Variants in CLHC1 observed in about 807,000 individuals in gnomAD.
The protein encoded by CLHC1 is clathrin heavy chain linker domain-containing protein 1.
CLHC1 carries 72 observed loss-of-function variants against 69.5 expected under a neutral mutation model. The observed-to-expected ratio is 1.04, with a 90% CI of 0.86 to 1.26. The LOEUF is 1.26. Ranked by LOEUF, CLHC1 falls within the 50% of genes most tolerant of loss-of-function variation. The pLI, the probability that CLHC1 is intolerant of heterozygous loss-of-function variation, is 0.00. For missense variants in CLHC1, 790 were observed against 679.3 expected (o/e 1.16, Z -1.81); for synonymous variants, 223 against 224.3 (o/e 0.99, Z 0.05).
intron 1 of CLHC1, among the ~76,000 whole-genome samples, chr2:55,228,868 G>C (rs996026745): frequency 2.0e-5 from 3 of 152,118 alleles, no homozygotes; most frequent in Non-Finnish European, 4.4e-5. Context: ...AAAAAAAATA[G>C]TCCAGGCACA....
chr2:55,181,845 TTAACAATC>T (rs1669970236), intron 9 of CLHC1, 101 bp from the exon 10 acceptor site: 3 of 855,736 alleles, frequency 3.5e-6, no homozygotes, highest in Middle Eastern at 3.1e-4. Context: ...TTCTAAAACT[TTAACAATC>T]TAAAATTACA....
At chr2:55,200,323 T>G (rs920589783) in intron 9 of CLHC1, among the ~76,000 whole-genome samples, 1 of 138,606 alleles carries the variant, frequency 7.2e-6, no homozygotes, top group Non-Finnish European at 1.5e-5. Context: ...AAGACACATA[T>G]AGACTGAAAA....
intron 1 of CLHC1, among the ~76,000 whole-genome samples, chr2:55,230,464 T>C (rs1675188982): frequency 2.6e-5 from 4 of 152,208 alleles, no homozygotes; most frequent in African/African-American, 9.6e-5. Context: ...AGTTGTGACA[T>C]ATCTGTGACA....
At chr2:55,231,668 G>C (rs1164921511) in intron 1 of CLHC1, among the ~76,000 whole-genome samples, 2 of 152,198 alleles carry the variant, frequency 1.3e-5, no homozygotes, top group African/African-American at 4.8e-5. Context: ...GGTTTGTGGA[G>C]TGGAGAAAGG....
At chr2:55,188,735 A>G (rs1299797350) in intron 9 of CLHC1, among the ~76,000 whole-genome samples, 1 of 152,198 alleles carries the variant, frequency 6.6e-6, no homozygotes, top group Non-Finnish European at 1.5e-5. Flanking sequence ...GTACATTTCA[A>G]TCTAGAAGAT....
At chr2:55,228,472 T>G (rs570540872) in intron 1 of CLHC1, among the ~76,000 whole-genome samples, 5 of 151,334 alleles carry the variant, frequency 3.3e-5, no homozygotes, top group African/African-American at 4.8e-5. Context: ...AAGATTACCA[T>G]TCATTCATTC....
intron 9 of CLHC1, among the ~76,000 whole-genome samples, chr2:55,189,713 C>T (rs1369175607): frequency 6.6e-6 from 1 of 152,120 alleles, no homozygotes; most frequent in African/African-American, 2.4e-5. Flanking sequence ...ACAGCGTTCC[C>T]CACAGGTCAT....
At position 55,222,284 on chromosome 2, in the gene CLHC1, T is replaced by C; in HGVS notation, c.128A>G (p.Glu43Gly). 3.1e-6 allele frequency: 5 copies of C among 1,613,698 alleles called. No homozygotes were observed. Among genetic ancestry groups the C allele is most frequent in the Non-Finnish European group, 4.2e-6 (5 of 1,179,740 alleles). The change falls in exon 3 of 13, where the codon GAA (glutamate) becomes GGA (glycine). Residue 43 changes from glutamate to glycine, a missense_variant. Glu to Gly is a moderately conservative substitution (Grantham distance 98). Coordinates refer to ENST00000401408, the MANE Select transcript of CLHC1 (RefSeq NM_152385.4). ...TETERLGCSEEGPADEYYIIY... is the reference protein window; with the variant it reads ...TETERLGCSEGGPADEYYIIY... ...GATGTAATATTCATCAGCAGGTCCT[T>C]CCTCACTACAGCCCAGTCTTTCAGT... is the stretch of plus-strand genomic sequence containing the variant.
chr2:55,194,287 A>G (rs1671193818), intron 9 of CLHC1, among the ~76,000 whole-genome samples: 1 of 152,196 alleles, frequency 6.6e-6, no homozygotes, highest in Admixed American at 6.5e-5. Context: ...ATACTAATAG[A>G]AAAGAACAAA....
rs755440642 is a variant in CLHC1 at position 55,175,757 on chromosome 2, G to C, written c.*33C>G. The C allele has an allele frequency of 3.2e-6, 5 of 1,541,852 alleles. No individual in the cohort carries two copies. The South Asian group carries it at 5.7e-5, about 17-fold the overall frequency. ...TCCCAACCAGCATACATAAGGTGTT[G>C]TACAAGCTCCCTCAGCTGGTTAAGA... On this transcript the variant is annotated 3_prime_UTR_variant, in exon 13 of 13. Coordinates refer to ENST00000401408, the MANE Select transcript of CLHC1 (RefSeq NM_152385.4).
chr2:55,206,494 G>A, intron 8 of CLHC1, 118 bp from the exon 9 acceptor site: 2 of 660,356 alleles, frequency 3.0e-6, no homozygotes, highest in Admixed American at 2.8e-5. Context: ...AAAACAAAAA[G>A]GAATTCTAAT....
intron 9 of CLHC1, among the ~76,000 whole-genome samples, chr2:55,187,021 C>T (rs1290807582): frequency 6.6e-6 from 1 of 151,756 alleles, no homozygotes; most frequent in Non-Finnish European, 1.5e-5. Flanking sequence ...AATCCCAGCA[C>T]TTTGGGAGGC....
chr2:55,198,324 G>A (rs1232122449), intron 9 of CLHC1, among the ~76,000 whole-genome samples: 9 of 152,148 alleles, frequency 5.9e-5, no homozygotes, highest in South Asian at 2.1e-4. Flanking sequence ...GGTGGCTCAC[G>A]CCTATAATCC....
chr2:55,206,216 G>T, intron 9 of CLHC1, 54 bp downstream of exon 9: 1 of 1,034,508 alleles, frequency 9.7e-7, no homozygotes, highest in Admixed American at 2.0e-5. Flanking sequence ...TATTTTATGA[G>T]AGAAAAAGTA....
intron 1 of CLHC1, among the ~76,000 whole-genome samples, chr2:55,230,160 A>C (rs1403676146): frequency 6.6e-6 from 1 of 152,252 alleles, no homozygotes; most frequent in Non-Finnish European, 1.5e-5. Context: ...TGCTGTTACG[A>C]AGCTACTGCA....
chr2:55,211,089 T>C (rs1175598062), intron 5 of CLHC1, among the ~76,000 whole-genome samples: 2 of 152,300 alleles, frequency 1.3e-5, no homozygotes, highest in South Asian at 2.1e-4. Context: ...TTGATTCTAC[T>C]TAATTTTAAC....
intron 11 of CLHC1, among the ~76,000 whole-genome samples, chr2:55,178,035 G>GA (rs925202531): frequency 1.1e-4 from 16 of 151,966 alleles, no homozygotes; most frequent in South Asian, 2.1e-4. Context: ...TAATTATAAT[G>GA]AAAAAAATGT....
intron 10 of CLHC1, among the ~76,000 whole-genome samples, chr2:55,180,983 T>C (rs1483869684): frequency 2.0e-5 from 3 of 151,740 alleles, no homozygotes; most frequent in Non-Finnish European, 4.4e-5. Context: ...ACTAAATGCA[T>C]ATATATATAT....
chr2:55,194,853 C>CTG (rs149131693), intron 9 of CLHC1, among the ~76,000 whole-genome samples: 6 of 151,348 alleles, frequency 4.0e-5, no homozygotes, highest in Non-Finnish European at 7.4e-5. Flanking sequence ...TCCATTACCT[C>CTG]TGTGTGTGTG....
Sources: allele counts gnomAD v4.1 joint callset (sites outside exome capture counted in the v4.1 genomes callset), GRCh38; gene constraint gnomAD v4.1.1; transcripts MANE v1.5; gene names NCBI Gene and HGNC (gene_info 2026-07-23, HGNC 2026-07-21).